NRG4: variants seen among roughly 807,000 people sequenced by gnomAD.
The protein encoded by NRG4 is neuregulin 4, also known as pro-neuregulin-4, membrane-bound isoform.
NRG4 carries 10 observed loss-of-function variants against 15.0 expected under a neutral mutation model. The ratio of observed to expected loss-of-function variants is 0.67; its 90% CI spans 0.41 to 1.13. The LOEUF is 1.13. Ranked by LOEUF, NRG4 falls within the 50% of genes most tolerant of loss-of-function variation. NRG4 has a pLI of 0.00. For missense variants in NRG4, 139 were observed against 140.2 expected (o/e 0.99, Z 0.04); for synonymous variants, 41 against 50.1 (o/e 0.82, Z 0.77).
At position 75,948,916 on chromosome 15, in the gene NRG4, T is replaced by C. The variant is rs145835655; in HGVS notation, c.332-5262A>G. Among the ~76,000 whole-genome samples the C allele has an allele frequency of 7.2e-5, 11 of 152,150 alleles. No individual in the cohort carries two copies. In the East Asian group the frequency reaches 1.7e-3, roughly 24 times the overall value. The stretch of plus-strand genomic sequence containing the variant: ...AAATGTAAAAATTAGCCAGGCATAG[T>C]GGTGCACACCTGTAGTCTCAAATAC... On this transcript the variant is annotated intron_variant, in intron 5 of 5. Transcript: ENST00000394907.
chr15:76,009,283 C>A lies in NRG4; in HGVS notation c.21G>T (p.Glu7Asp), dbSNP rs567172950. Residue 7 changes from glutamate (E) to aspartate (D), a missense_variant, in exon 3 of 6, where the codon GAG becomes GAT. Glu to Asp is a conservative substitution (Grantham distance 45). Coordinates refer to ENST00000394907, the MANE Select transcript of NRG4 (RefSeq NM_138573.4). ...ACGACTTGTGACTGGGACCACAGGG[C>A]TCTTCGTGATCTAGAACACATACAT... MPTDHEEPCGPSHKSFC... is the reference protein window; with the variant it reads MPTDHEDPCGPSHKSFC... 7.0e-6 allele frequency: 11 copies of A among 1,575,370 alleles called. No individual in the cohort carries two copies. In the African/African-American group the frequency reaches 1.5e-4, roughly 21 times the overall value.
intron 3 of NRG4, among the ~76,000 whole-genome samples, chr15:75,995,315 C>A (rs1220596366): frequency 6.6e-6 from 1 of 152,082 alleles, no homozygotes; most frequent in Non-Finnish European, 1.5e-5. Context: ...AGGAAGTGTA[C>A]AATCATGGCA....
At chr15:75,939,781 G>C (rs971908148), downstream of NRG4, 12 of 152,070 alleles carry the variant, frequency 7.9e-5, no homozygotes, top group African/African-American at 2.7e-4. Context: ...GCGAGAACCA[G>C]ATGATCATCT....
intron 2 of NRG4, among the ~76,000 whole-genome samples, chr15:76,055,005 C>A (rs1008042374): frequency 6.8e-6 from 1 of 147,756 alleles, no homozygotes; most frequent in Non-Finnish European, 1.5e-5. Flanking sequence ...GGGGGCCGGG[C>A]ACAGTGGCTC....
At chr15:75,999,438 C>G (rs1364566624) in intron 3 of NRG4, among the ~76,000 whole-genome samples, 2 of 152,136 alleles carry the variant, frequency 1.3e-5, no homozygotes, top group Non-Finnish European at 2.9e-5. Context: ...CCTTTTTATG[C>G]TCTTCTACTC....
intron 3 of NRG4, among the ~76,000 whole-genome samples, chr15:76,004,971 G>A (rs933371519): frequency 6.6e-6 from 1 of 152,106 alleles, no homozygotes; most frequent in African/African-American, 2.4e-5. Context: ...CTGTTGACTG[G>A]AAGCCTTACT....
chr15:76,054,709 A>G (rs1381425134), intron 2 of NRG4, among the ~76,000 whole-genome samples: 1 of 152,236 alleles, frequency 6.6e-6, no homozygotes. Flanking sequence ...ATTTTTCAGT[A>G]ATAATCATGA....
At chr15:76,034,632 A>AC (rs1337087821) in intron 5 of NRG4, among the ~76,000 whole-genome samples, 4 of 152,058 alleles carry the variant, frequency 2.6e-5, no homozygotes, top group African/African-American at 9.7e-5. Flanking sequence ...AAAAAAAAAA[A>AC]ACACTTCCAA....
intron 4 of NRG4, among the ~76,000 whole-genome samples, chr15:75,956,764 G>C (rs1469923259): frequency 6.6e-6 from 1 of 152,036 alleles, no homozygotes; most frequent in Non-Finnish European, 1.5e-5. Flanking sequence ...AGTTCAAAAG[G>C]ACCTCAGTTT....
chr15:75,967,298 TTAA>T (rs974644979), intron 3 of NRG4, among the ~76,000 whole-genome samples: 12 of 152,040 alleles, frequency 7.9e-5, no homozygotes, highest in South Asian at 2.1e-4. Flanking sequence ...TATTAGATTC[TTAA>T]TAATATGTAG....
chr15:76,045,906 T>C (rs2035858685), intron 4 of NRG4, among the ~76,000 whole-genome samples: 1 of 150,836 alleles, frequency 6.6e-6, no homozygotes, highest in Non-Finnish European at 1.5e-5. Flanking sequence ...AATAATGTAA[T>C]TGTACATTTT....
chr15:75,969,279 C>G, intron 3 of NRG4: 1 of 452,794 alleles, frequency 2.2e-6, no homozygotes, highest in Non-Finnish European at 4.4e-6. Context: ...TGTTACTCTG[C>G]GTGGTATTCC....
chr15:76,031,446 G>C (rs1196785791), intron 5 of NRG4, among the ~76,000 whole-genome samples: 2 of 152,178 alleles, frequency 1.3e-5, no homozygotes, highest in East Asian at 3.8e-4. Flanking sequence ...CCAGCAGTTT[G>C]GGAGGCCGAG....
chr15:76,055,617 A>T (rs1322335600), intron 2 of NRG4, among the ~76,000 whole-genome samples: 2 of 152,200 alleles, frequency 1.3e-5, no homozygotes, highest in Non-Finnish European at 2.9e-5. Context: ...TATGAGTGGG[A>T]GTTCTCTAAA....
intron 3 of NRG4, among the ~76,000 whole-genome samples, chr15:75,985,520 C>G (rs146642966): frequency 6.6e-6 from 1 of 152,240 alleles, no homozygotes; most frequent in African/African-American, 2.4e-5. Context: ...TTCCAGACTC[C>G]CAAAAGAAAA....
chr15:75,975,934 T>A (rs1248423040), intron 3 of NRG4, among the ~76,000 whole-genome samples: 1 of 152,230 alleles, frequency 6.6e-6, no homozygotes, highest in African/African-American at 2.4e-5. Context: ...CTGGATAATA[T>A]CCTGAAGAGT....
downstream of NRG4, chr15:75,937,153 G>A (rs763041700): frequency 6.6e-6 from 1 of 151,116 alleles, no homozygotes; most frequent in Non-Finnish European, 1.5e-5. Flanking sequence ...TGACCCCAGC[G>A]ACATCAGCAA....
chr15:76,023,852 C>A (rs531540128), intron 5 of NRG4, among the ~76,000 whole-genome samples: 1 of 152,328 alleles, frequency 6.6e-6, no homozygotes, highest in Non-Finnish European at 1.5e-5. Context: ...GTCTAGCAGT[C>A]CTACCCAGGG....
At chr15:76,031,623 G>A (rs1373407166) in intron 5 of NRG4, among the ~76,000 whole-genome samples, 2 of 152,212 alleles carry the variant, frequency 1.3e-5, no homozygotes, top group Non-Finnish European at 2.9e-5. Context: ...TCAGGAGGTG[G>A]AGGTTGCAGT....
Sources: allele counts gnomAD v4.1 joint callset (sites outside exome capture counted in the v4.1 genomes callset), GRCh38; gene constraint gnomAD v4.1.1; transcripts MANE v1.5; gene names NCBI Gene and HGNC (gene_info 2026-07-23, HGNC 2026-07-21).